GP6: variants seen among roughly 807,000 people sequenced by gnomAD.
GP6 encodes the protein glycoprotein VI platelet, also known as platelet glycoprotein VI.
In GP6, 45 loss-of-function variants were observed where a neutral mutation model predicts 37.3. The ratio of observed to expected loss-of-function variants is 1.21; its 90% CI spans 0.95 to 1.55. The LOEUF (loss-of-function observed/expected upper bound fraction) is 1.55, where lower values mean the gene tolerates loss of function less well. Among genes scored for constraint, GP6 ranks in the 40% most tolerant of loss-of-function variants. GP6 has a pLI of 0.00. For missense variants in GP6, 813 were observed against 760.2 expected (o/e 1.07, Z -0.82); for synonymous variants, 340 against 316.4 (o/e 1.07, Z -0.79).
chr19:55,028,189 T>G (rs1240301660), intron 3 of GP6, among the ~76,000 whole-genome samples: 1 of 152,214 alleles, frequency 6.6e-6, no homozygotes, highest in Non-Finnish European at 1.5e-5. Flanking sequence ...ACACAGTAAT[T>G]TGCAGAGTGC....
At chr19:55,021,515 T>C (rs1401122313) in intron 5 of GP6, among the ~76,000 whole-genome samples, 1 of 128,046 alleles carries the variant, frequency 7.8e-6, no homozygotes, top group Non-Finnish European at 1.6e-5. Context: ...TCTTGACTTT[T>C]GTTGGTTTTT....
chr19:55,021,520 G>GTTTTT (rs1555797168), intron 5 of GP6, among the ~76,000 whole-genome samples: 3 of 126,244 alleles, frequency 2.4e-5, no homozygotes, highest in Non-Finnish European at 4.8e-5. Context: ...ACTTTTGTTG[G>GTTTTT]TTTTTTTTTT....
chr19:55,036,378 A>C (rs1050068324), intron 1 of GP6, among the ~76,000 whole-genome samples: 1 of 152,072 alleles, frequency 6.6e-6, no homozygotes, highest in African/African-American at 2.4e-5. Flanking sequence ...ACCAAGAACC[A>C]CTTGTATCCC....
chr19:55,038,129 T>G (rs138216712), intron 1 of GP6, 74 bp downstream of exon 1: 2 of 1,250,328 alleles, frequency 1.6e-6, no homozygotes, highest in Non-Finnish European at 2.3e-6. Flanking sequence ...CCAATGCAAA[T>G]TTCTTAAAAA....
rs2073806854 is a variant in GP6 at position 55,014,973 on chromosome 19, C to T, written c.972G>A (p.Arg324=). The T allele has an allele frequency of 1.9e-6, 3 of 1,613,692 alleles. No homozygotes were observed. The highest frequency in any genetic ancestry group is 2.5e-6 in the Non-Finnish European group (3 of 1,179,912). Reference sequence around the variant, plus strand: ...ATCCTGTCGGCCTCCATCCTGACCCCCGTTTGATTTCCGGGTCAGCGGGAG... The same window carrying T: ...ATCCTGTCGGCCTCCATCCTGACCCTCGTTTGATTTCCGGGTCAGCGGGAG... The change falls in exon 8 of 8, where the codon CGG becomes CGA. Residue 324 remains arginine (R), a synonymous_variant. Transcript: ENST00000310373.
At position 55,015,125 on chromosome 19, in the gene GP6, C is replaced by T. The variant is rs772083213; in HGVS notation, c.820G>A (p.Asp274Asn). The T allele has an allele frequency of 7.6e-6, 12 of 1,579,624 alleles. No homozygotes were observed. Among genetic ancestry groups the T allele is most frequent in the Middle Eastern group, 1.7e-4 (1 of 6,014 alleles). The change falls in exon 8 of 8, where the codon GAT becomes AAT. Residue 274 changes from aspartate to asparagine, a missense_variant. Coordinates refer to ENST00000310373, the MANE Select transcript of GP6 (RefSeq NM_001083899.2). ...TTAGGATCACAGCCCCGAGGCATATCCGGACCAGGTTGCCCTTGGTGTAGT... is the reference window on the plus strand; with the variant it reads ...TTAGGATCACAGCCCCGAGGCATATTCGGACCAGGTTGCCCTTGGTGTAGT...
chr19:55,027,824 G>T lies in GP6; in HGVS notation c.364C>A (p.Pro122Thr). The T allele has an allele frequency of 1.2e-6, 2 of 1,614,174 alleles. No homozygotes were observed. Among genetic ancestry groups the T allele is most frequent in the Non-Finnish European group, 1.7e-6 (2 of 1,179,994 alleles). Reference sequence around the variant, plus strand: ...ACGTCCCCTCCTGACGACACCGCCGGGCCGGGCTGGGCTGAGAGCGAGGGT... The same window carrying T: ...ACGTCCCCTCCTGACGACACCGCCGTGCCGGGCTGGGCTGAGAGCGAGGGT... The change falls in exon 4 of 8, where the codon CCG becomes ACG. Residue 122 changes from proline to threonine, a missense_variant. Physicochemically the swap from Pro to Thr is conservative, Grantham distance 38. Coordinates refer to ENST00000310373, the MANE Select transcript of GP6 (RefSeq NM_001083899.2).
chr19:55,025,352 G>C (rs2146797618), intron 4 of GP6, 81 bp from the exon 5 acceptor site: 1 of 883,086 alleles, frequency 1.1e-6, no homozygotes, highest in South Asian at 1.4e-5. Context: ...CCGTGACTGA[G>C]TTTCCTCACC....
At chr19:55,023,888 AT>A (rs1297758605) in intron 5 of GP6, among the ~76,000 whole-genome samples, 1 of 152,160 alleles carries the variant, frequency 6.6e-6, no homozygotes, top group African/African-American at 2.4e-5. Context: ...GAAATGGAAG[AT>A]TATAGAGATG....
chr19:55,037,856 C>G (rs1432501128), intron 1 of GP6, among the ~76,000 whole-genome samples: 5 of 152,010 alleles, frequency 3.3e-5, no homozygotes, highest in Non-Finnish European at 2.9e-5. Flanking sequence ...CTCCTGACCT[C>G]AGGTGATCCA....
chr19:55,036,418 A>G (rs1780537471), intron 1 of GP6, among the ~76,000 whole-genome samples: 1 of 152,084 alleles, frequency 6.6e-6, no homozygotes, highest in African/African-American at 2.4e-5. Flanking sequence ...AGCCAGATGC[A>G]GTAACCTGTA....
chr19:55,016,209 T>C (rs545471706), intron 6 of GP6, among the ~76,000 whole-genome samples: 1 of 151,938 alleles, frequency 6.6e-6, no homozygotes, highest in Non-Finnish European at 1.5e-5. Flanking sequence ...CTATCACCTA[T>C]TAGATGTCAG....
intron 1 of GP6, among the ~76,000 whole-genome samples, chr19:55,035,228 G>T (rs993021213): frequency 2.4e-5 from 3 of 123,234 alleles, no homozygotes; most frequent in Non-Finnish European, 5.7e-5. Flanking sequence ...TAAAGAGTGT[G>T]GACTTGGGAA....
intron 1 of GP6, among the ~76,000 whole-genome samples, chr19:55,036,093 C>T (rs914881004): frequency 1.3e-5 from 2 of 148,186 alleles, no homozygotes; most frequent in Non-Finnish European, 1.5e-5. Context: ...AAAAAAAAGT[C>T]TTTTGCAGCA....
chr19:55,018,922 T>C (rs924132543), intron 5 of GP6: 3 of 611,876 alleles, frequency 4.9e-6, no homozygotes, highest in African/African-American at 1.8e-5. Flanking sequence ...TGATAGACAC[T>C]TGGTTTTTTT....
chr19:55,034,148 GCA>G lies in GP6; in HGVS notation c.35-1612_35-1611del, dbSNP rs1290551397. 1.5e-4 allele frequency among the ~76,000 whole-genome samples: 16 copies of G among 105,932 alleles called. No homozygotes were observed. In the East Asian group the frequency reaches 2.4e-3, roughly 16 times the overall value. 69.5% of individuals were successfully genotyped at this position (105,932 alleles called of 152,430 possible). Reference sequence around the variant, plus strand: ...TATGTATGTATATGTATATATGTATGCATGTGTGTGTGTGTGTGTGTGTGTGT... The same window carrying G: ...TATGTATGTATATGTATATATGTATGTGTGTGTGTGTGTGTGTGTGTGTGT... On this transcript the variant is annotated intron_variant, in intron 1 of 7. Transcript: ENST00000310373.
At chr19:55,019,107 C>CTTTTTTTTTTTTTTTTTTTTTCT (rs538058206) in intron 5 of GP6, among the ~76,000 whole-genome samples, 1 of 132,878 alleles carries the variant, frequency 7.5e-6, no homozygotes, top group Non-Finnish European at 1.6e-5. Flanking sequence ...TCTTTTTTTT[C>CTTTTTTTTTTTTTTTTTTTTTCT]TTTTTTTTTT....
intron 6 of GP6, among the ~76,000 whole-genome samples, chr19:55,016,126 A>G (rs573946912): frequency 1.3e-5 from 2 of 150,670 alleles, no homozygotes; most frequent in East Asian, 2.0e-4. Flanking sequence ...TGGGAAACAG[A>G]GCGAGACCCT....
chr19:55,029,038 G>A (rs1038567267), intron 3 of GP6, among the ~76,000 whole-genome samples: 3 of 147,310 alleles, frequency 2.0e-5, no homozygotes, highest in Admixed American at 2.0e-4. Context: ...AAGTAAGGAA[G>A]ATAAAAATAT....
Sources: allele counts gnomAD v4.1 joint callset (sites outside exome capture counted in the v4.1 genomes callset), GRCh38; gene constraint gnomAD v4.1.1; transcripts MANE v1.5; gene names NCBI Gene and HGNC (gene_info 2026-07-23, HGNC 2026-07-21).